AMOTL1: variants seen among roughly 807,000 people sequenced by gnomAD.
The protein encoded by AMOTL1 is angiomotin like 1, also known as angiomotin-like protein 1.
AMOTL1 carries 45 observed loss-of-function variants against 102.9 expected under a neutral mutation model. That is an observed-to-expected ratio of 0.44 (90% CI 0.34 to 0.56). The LOEUF is 0.56. Among genes scored for constraint, AMOTL1 ranks in the 20% least tolerant of loss-of-function variants. The probability of loss-of-function intolerance (pLI) is 0.01; values close to 1 mark genes in which losing one functional copy is unlikely to be tolerated. For synonymous variants in AMOTL1, 481 were observed against 484.7 expected (o/e 0.99, Z 0.10); for missense variants, 1,114 against 1,225.6 (o/e 0.91, Z 1.36).
In AMOTL1 at chr11:94,865,996, G is replaced by A. The variant is rs950413619; in HGVS notation, c.2316G>A (p.Leu772=). The change falls in exon 11 of 13, where the codon CTG becomes CTA. Residue 772 remains leucine, a synonymous_variant. Coordinates refer to ENST00000433060, the MANE Select transcript of AMOTL1 (RefSeq NM_130847.3). ...AGAAAGATGCTATGATTAAGGTCCT[G>A]CAGCAGCGATCTCGTAAAGATGCCG... ...IIEKDAMIKV[L]QQRSRKDAGK... 1 of 1,613,976 alleles carries A rather than the reference G, an allele frequency of 6.2e-7. No homozygotes were observed.
intron 1 of AMOTL1, among the ~76,000 whole-genome samples, chr11:94,716,910 T>C (rs1363574365): frequency 6.6e-6 from 1 of 152,146 alleles, no homozygotes; most frequent in East Asian, 1.9e-4. Flanking sequence ...GATCAGTCTC[T>C]TGGTCCTGCC....
rs768895413 is a variant in AMOTL1 at position 94,795,179 on chromosome 11, A to C, written c.199+19A>C. The C allele has an allele frequency of 3.8e-5, 62 of 1,612,024 alleles. No individual in the cohort carries two copies. Among genetic ancestry groups the C allele is most frequent in the Non-Finnish European group, 5.2e-5 (61 of 1,179,406 alleles). On this transcript the variant is annotated intron_variant, in intron 2 of 12. Transcript: ENST00000433060. ...AAAGTTGGTAAGTCCTTTTACCGGC[A>C]CTTGTGTTGGAAAAGCAAAATGATC...
intron 7 of AMOTL1, among the ~76,000 whole-genome samples, chr11:94,853,046 A>G (rs1952578575): frequency 6.6e-6 from 1 of 152,122 alleles, no homozygotes; most frequent in African/African-American, 2.4e-5. Flanking sequence ...GTTGTATATA[A>G]TTTTTGATTC....
At chr11:94,745,149 G>T (rs1950575154) in intron 3 of AMOTL1, among the ~76,000 whole-genome samples, 2 of 151,608 alleles carry the variant, frequency 1.3e-5, no homozygotes, top group Non-Finnish European at 2.9e-5. Context: ...ATGTTGGTTT[G>T]CTGCACCCAT....
rs750155887 is a variant in AMOTL1, at chr11:94,799,572, A to T, written c.382A>T (p.Ser128Cys). Residue 128 changes from serine (S) to cysteine (C), a missense_variant, in exon 3 of 13, where the codon AGT becomes TGT. Ser to Cys is a moderately radical substitution (Grantham distance 112). Transcript: ENST00000433060. The surrounding 1 kb of genome is among the most constrained non-coding windows in gnomAD (Gnocchi z 4.5). The stretch of plus-strand genomic sequence containing the variant: ...GGCCATTCAGCACCAGGCCACAGGG[A>T]GTGCAGGACCAGCCCATCCTACAAA... ...LLAIQHQATG[S>C]AGPAHPTNNF... 47 of 1,613,702 alleles carry T rather than the reference A, an allele frequency of 2.9e-5. No homozygotes were observed. The highest frequency in any genetic ancestry group is 4.0e-5 in the Non-Finnish European group (47 of 1,179,852).
chr11:94,755,851 T>C (rs1364103153), intron 3 of AMOTL1, among the ~76,000 whole-genome samples: 1 of 152,178 alleles, frequency 6.6e-6, no homozygotes, highest in East Asian at 1.9e-4. Flanking sequence ...AGGCCGCTTG[T>C]GTTCATCAGC....
At chr11:94,840,010 T>C (rs1420269500) in intron 6 of AMOTL1, among the ~76,000 whole-genome samples, 1 of 152,228 alleles carries the variant, frequency 6.6e-6, no homozygotes, top group Non-Finnish European at 1.5e-5. Context: ...TAAAAGGCCT[T>C]GTTGGATAAT....
At chr11:94,790,617 G>A (rs1369499004) in intron 1 of AMOTL1, among the ~76,000 whole-genome samples, 1 of 152,116 alleles carries the variant, frequency 6.6e-6, no homozygotes, top group Non-Finnish European at 1.5e-5. Flanking sequence ...GCTAAAGGGG[G>A]CCCTGTTTAG....
At chr11:94,772,895 CCTAATAGGTGTT>C (rs1488732747) in intron 1 of AMOTL1, among the ~76,000 whole-genome samples, 3 of 152,136 alleles carry the variant, frequency 2.0e-5, no homozygotes, top group African/African-American at 7.2e-5. Flanking sequence ...TTTTAGTTGT[CCTAATAGGTGTT>C]CTAGTAGGTG....
intron 3 of AMOTL1, among the ~76,000 whole-genome samples, chr11:94,749,580 C>A (rs747117515): frequency 1.0e-3 from 156 of 152,296 alleles, no homozygotes; most frequent in South Asian, 1.5e-3. Flanking sequence ...GTGACTAGCC[C>A]CAGGGTGCTT....
At chr11:94,742,638 C>G (rs1950542220) in intron 3 of AMOTL1, among the ~76,000 whole-genome samples, 1 of 152,174 alleles carries the variant, frequency 6.6e-6, no homozygotes. Flanking sequence ...TTCAGCTCCC[C>G]TATGGTAAAA....
rs148937267 is a variant in AMOTL1 at position 94,760,084 on chromosome 11, A to G, written c.136+19096A>G. ...GGTGATACTGATACAGCTAAAGTTT[A>G]AGAACTACTGCCCTAATGGCACTGA... On this transcript the variant is annotated intron_variant, in intron 3 of 4. Transcript: ENST00000299004. 3.7e-3 allele frequency among the ~76,000 whole-genome samples: 568 copies of G among 152,370 alleles called. 3 individuals are homozygous for G. The highest frequency in any genetic ancestry group is 0.013 in the African/African-American group (550 of 41,594).
At chr11:94,746,957 CTT>C (rs1950596598) in intron 3 of AMOTL1, among the ~76,000 whole-genome samples, 1 of 151,930 alleles carries the variant, frequency 6.6e-6, no homozygotes, top group Non-Finnish European at 1.5e-5. Flanking sequence ...CCGTGAGACA[CTT>C]TATCTTTTCA....
At chr11:94,749,397 A>G (rs1950625245) in intron 3 of AMOTL1, among the ~76,000 whole-genome samples, 1 of 152,168 alleles carries the variant, frequency 6.6e-6, no homozygotes, top group African/African-American at 2.4e-5. Context: ...GCCTATCCAC[A>G]TTGAAGGCAG....
intron 1 of AMOTL1, among the ~76,000 whole-genome samples, chr11:94,782,425 G>A (rs1198808210): frequency 6.6e-6 from 1 of 152,076 alleles, no homozygotes; most frequent in African/African-American, 2.4e-5. Context: ...ATGGGATTTT[G>A]TTGATATTAT....
chr11:94,862,048 C>A (rs1441907607), intron 9 of AMOTL1, among the ~76,000 whole-genome samples: 1 of 152,182 alleles, frequency 6.6e-6, no homozygotes, highest in Non-Finnish European at 1.5e-5. Flanking sequence ...CCCAGTCCCA[C>A]TGTTCCCCTT....
intron 3 of AMOTL1, among the ~76,000 whole-genome samples, chr11:94,753,233 T>G (rs1950678583): frequency 6.6e-6 from 1 of 152,020 alleles, no homozygotes; most frequent in Non-Finnish European, 1.5e-5. Flanking sequence ...ATTAGCACAT[T>G]TAAATCATTT....
At chr11:94,746,400 C>T (rs80317234) in intron 3 of AMOTL1, among the ~76,000 whole-genome samples, 5,385 of 152,222 alleles carry the variant, frequency 0.035, 398 homozygotes, top group East Asian at 0.28. Flanking sequence ...TGTGAATAAC[C>T]TTGACTGACT....
chr11:94,869,611 G>T, intron 12 of AMOTL1, 138 bp downstream of exon 12: 1 of 984,712 alleles, frequency 1.0e-6, no homozygotes, highest in Non-Finnish European at 1.5e-6. Context: ...AATGCACTTA[G>T]GATATGTGTG....
Sources: gnomAD v4.1 joint callset for allele counts (sites outside exome capture counted in the v4.1 genomes callset) on GRCh38, gnomAD v4.1.1 for gene constraint, Gnocchi (gnomAD v3.1) non-coding constraint, MANE v1.5 for transcripts, NCBI Gene and HGNC (gene_info 2026-07-23, HGNC 2026-07-21) for gene names.